The following VPS13A variants were observed in gnomAD, a reference collection of about 807,000 sequenced individuals.
VPS13A encodes intermembrane lipid transfer protein VPS13A.
A neutral mutation model predicts 390.9 loss-of-function variants in VPS13A; 264 were observed. The ratio of observed to expected loss-of-function variants is 0.68; its 90% CI spans 0.61 to 0.75. The LOEUF is 0.75. VPS13A is among the 30% of genes least tolerant of loss of function. The pLI, the probability that VPS13A is intolerant of heterozygous loss-of-function variation, is 0.00. For missense variants in VPS13A, 3,409 were observed against 3,733.9 expected (o/e 0.91, Z 2.27); for synonymous variants, 1,231 against 1,227.1 (o/e 1.00, Z -0.07).
chr9:77,333,072 A>G (rs1174662441), intron 46 of VPS13A, among the ~76,000 whole-genome samples: 2 of 152,174 alleles, frequency 1.3e-5, no homozygotes, highest in Non-Finnish European at 2.9e-5. Flanking sequence ...ACAGTATCTG[A>G]CCTTGCTCTA....
intron 19 of VPS13A, among the ~76,000 whole-genome samples, chr9:77,241,402 G>A (rs1241150320): frequency 7.8e-6 from 1 of 128,608 alleles, no homozygotes; most frequent in Admixed American, 7.6e-5. Flanking sequence ...TTCTTTTTTG[G>A]TTTTGTATTT....
rs1397896900 is a variant in VPS13A at position 77,340,058 on chromosome 9, T to C, written c.6775-120T>C. ...CCAAAAAGATTAGAATTTAATATTA[T>C]AAAGGTTTAGTGCATTAACAATATA... On this transcript the variant is annotated intron_variant, in intron 48 of 71. Coordinates refer to ENST00000360280, the MANE Select transcript of VPS13A (RefSeq NM_033305.3). 7.5e-6 allele frequency: 10 copies of C among 1,341,730 alleles called. No homozygotes were observed. The Admixed American group carries it at 9.5e-5, about 13-fold the overall frequency. 83.1% of individuals were successfully genotyped at this position (1,341,730 alleles called of 1,614,324 possible).
chr9:77,231,158 A>G (rs1253852559), intron 17 of VPS13A, among the ~76,000 whole-genome samples: 1 of 152,090 alleles, frequency 6.6e-6, no homozygotes, highest in Non-Finnish European at 1.5e-5. Context: ...TTTTATATAC[A>G]TGATCATATA....
intron 59 of VPS13A, among the ~76,000 whole-genome samples, chr9:77,363,923 C>A (rs543205117): frequency 6.6e-6 from 1 of 152,192 alleles, no homozygotes; most frequent in East Asian, 1.9e-4. Flanking sequence ...GTTGTGACAC[C>A]CTTCTATTTG....
intron 7 of VPS13A, chr9:77,211,355 G>A (rs150581898): frequency 9.2e-5 from 14 of 152,032 alleles, no homozygotes; most frequent in African/African-American, 2.4e-4. Context: ...AAGTTTACGC[G>A]TTTTATATGA....
chr9:77,319,383 G>A (rs556267945), intron 41 of VPS13A, among the ~76,000 whole-genome samples, 189 bp from the exon 42 acceptor site: 1 of 151,928 alleles, frequency 6.6e-6, no homozygotes, highest in Non-Finnish European at 1.5e-5. Flanking sequence ...GGTTTTATCT[G>A]GACTAAATTG....
intron 46 of VPS13A, among the ~76,000 whole-genome samples, chr9:77,334,754 T>G (rs1010186546): frequency 3.9e-5 from 6 of 152,248 alleles, no homozygotes; most frequent in Admixed American, 1.3e-4. Context: ...ACGATTAGTT[T>G]AATTTGGAAA....
At chr9:77,311,209 C>G (rs1399585206) in intron 35 of VPS13A, among the ~76,000 whole-genome samples, 1 of 152,144 alleles carries the variant, frequency 6.6e-6, no homozygotes. Flanking sequence ...CAGGCGTGAG[C>G]CACCATGCCT....
intron 1 of VPS13A, among the ~76,000 whole-genome samples, chr9:77,180,687 G>C (rs992581123): frequency 6.6e-6 from 1 of 152,128 alleles, no homozygotes; most frequent in Admixed American, 6.5e-5. Context: ...CTAAGAAAGA[G>C]GATCCTTTCT....
chr9:77,337,147 C>T (rs759649282), intron 46 of VPS13A, 108 bp from the exon 47 acceptor site: 2 of 1,115,084 alleles, frequency 1.8e-6, no homozygotes, highest in East Asian at 2.6e-5. Flanking sequence ...TAAAAATGTA[C>T]TACAATATTA....
At chr9:77,210,919 T>C (rs897237782) in intron 7 of VPS13A, among the ~76,000 whole-genome samples, 6 of 152,182 alleles carry the variant, frequency 3.9e-5, no homozygotes, top group Non-Finnish European at 8.8e-5. Context: ...TTTTGCTTAC[T>C]TTAAGAAATC....
chr9:77,405,992 G>A lies in VPS13A; in HGVS notation c.9399+5G>A, dbSNP rs1462596005. On this transcript the variant is annotated splice_donor_5th_base_variant and intron_variant, in intron 70 of 71. Coordinates refer to ENST00000360280, the MANE Select transcript of VPS13A (RefSeq NM_033305.3). Reference sequence around the variant, plus strand: ...AGATTGCGCATTGAAGCAAAGGTATGTTGAATAGATTTATTTTTTGAAAAC... The same window carrying A: ...AGATTGCGCATTGAAGCAAAGGTATATTGAATAGATTTATTTTTTGAAAAC... The A allele has an allele frequency of 1.2e-6, 2 of 1,613,246 alleles. No homozygotes were observed. The highest frequency in any genetic ancestry group is 1.3e-5 in the African/African-American group (1 of 74,924).
At chr9:77,281,802 A>G (rs760093282) in intron 27 of VPS13A, 65 bp from the exon 28 acceptor site, 109 of 990,842 alleles carry the variant, frequency 1.1e-4, no homozygotes, top group Non-Finnish European at 1.5e-4. Context: ...TATTAGGACT[A>G]TAATGTGATT....
At chr9:77,338,366 A>G (rs760376073) in intron 47 of VPS13A, 2 of 152,218 alleles carry the variant, frequency 1.3e-5, no homozygotes, top group Admixed American at 6.5e-5. Flanking sequence ...ACAAATTATC[A>G]TAGTGGTTAA....
At position 77,337,432 on chromosome 9, in the gene VPS13A, A is replaced by G; in HGVS notation, c.6273A>G (p.Leu2091=). The change falls in exon 47 of 72, where the codon CTA becomes CTG. Residue 2091 remains leucine, a synonymous_variant. Coordinates refer to ENST00000360280, the MANE Select transcript of VPS13A (RefSeq NM_033305.3). Reference sequence around the variant, plus strand: ...CAGAAAAAGATAATTTAACATCTCTATCAGTGTATTCAGAAGATGGTTGGG... The same window carrying G: ...CAGAAAAAGATAATTTAACATCTCTGTCAGTGTATTCAGAAGATGGTTGGG... ...IVPEKDNLTS[L]SVYSEDGWDL... is the part of the protein sequence containing the mutation. 2 of 1,612,954 alleles carry G rather than the reference A, an allele frequency of 1.2e-6. No homozygotes were observed. Among genetic ancestry groups the G allele is most frequent in the Non-Finnish European group, 8.5e-7 (1 of 1,179,094 alleles).
intron 69 of VPS13A, among the ~76,000 whole-genome samples, 185 bp downstream of exon 69, chr9:77,403,506 G>T (rs1043640194): frequency 6.6e-6 from 1 of 152,142 alleles, no homozygotes; most frequent in African/African-American, 2.4e-5. Flanking sequence ...CATGCATACA[G>T]ATAAACACAG....
chr9:77,381,481 A>G (rs986893106), intron 67 of VPS13A, among the ~76,000 whole-genome samples: 1 of 152,204 alleles, frequency 6.6e-6, no homozygotes, highest in African/African-American at 2.4e-5. Flanking sequence ...AGAAATTCTT[A>G]TTTAAAATTC....
chr9:77,314,838 T>C (rs17339033), intron 37 of VPS13A, among the ~76,000 whole-genome samples, 174 bp downstream of exon 37: 2 of 152,164 alleles, frequency 1.3e-5, no homozygotes, highest in Admixed American at 6.6e-5. Context: ...GGTTCTGTTA[T>C]GTACTATTCT....
Position 77,178,926 on chromosome 9 carries a change from G to A in VPS13A, c.100+1122G>A, listed in dbSNP as rs921896772. Among the ~76,000 whole-genome samples, 6 of 152,182 alleles carry A rather than the reference G, an allele frequency of 3.9e-5. No homozygotes were observed. The East Asian group carries it at 9.6e-4, about 24-fold the overall frequency. On this transcript the variant is annotated intron_variant, in intron 1 of 71. Transcript: ENST00000360280. ...TCTCGTTTATGAGATAATGTAAACAGGTAGTTTAGTTTGATTTTAAAGAAT... is the reference window on the plus strand; with the variant it reads ...TCTCGTTTATGAGATAATGTAAACAAGTAGTTTAGTTTGATTTTAAAGAAT...
Sources: gnomAD v4.1 joint callset for allele counts (sites outside exome capture counted in the v4.1 genomes callset) on GRCh38, gnomAD v4.1.1 for gene constraint, MANE v1.5 for transcripts, NCBI Gene and HGNC (gene_info 2026-07-23, HGNC 2026-07-21) for gene names.